DOK6: variants seen among roughly 807,000 people sequenced by gnomAD.
The protein encoded by DOK6 is docking protein 6.
In DOK6, 22 loss-of-function variants were observed where a neutral mutation model predicts 44.0. That is an observed-to-expected ratio of 0.50 (90% CI 0.36 to 0.71). The LOEUF is 0.71. Among genes scored for constraint, DOK6 ranks in the 30% least tolerant of loss-of-function variants. The probability of loss-of-function intolerance (pLI) is 0.00; values close to 1 mark genes in which losing one functional copy is unlikely to be tolerated. For missense variants in DOK6, 340 were observed against 416.4 expected (o/e 0.82, Z 1.60); for synonymous variants, 166 against 145.5 (o/e 1.14, Z -1.01).
At chr18:69,547,120 G>A (rs780596996) in intron 1 of DOK6, among the ~76,000 whole-genome samples, 2 of 151,586 alleles carry the variant, frequency 1.3e-5, no homozygotes, top group Non-Finnish European at 3.0e-5. Context: ...TTAGTTTTTT[G>A]AGACGGAGTC....
chr18:69,535,798 TA>T (rs201713032), intron 1 of DOK6, among the ~76,000 whole-genome samples: 4 of 151,666 alleles, frequency 2.6e-5, no homozygotes, highest in Non-Finnish European at 2.9e-5. Context: ...TTTCAGAAAA[TA>T]AAAAAATATC....
rs192782716 is a variant in DOK6 at position 69,600,905 on chromosome 18, A to G, written c.289+1407A>G. On this transcript the variant is annotated intron_variant, in intron 3 of 7. Transcript: ENST00000382713. The stretch of plus-strand genomic sequence containing the variant: ...GTTTAGTTAATAACTTAATCATTCA[A>G]TATATTGCTGCTTTCAATCTGACTA... Among the ~76,000 whole-genome samples, 12 of 152,326 alleles carry G rather than the reference A, an allele frequency of 7.9e-5. No homozygotes were observed. In the East Asian group the frequency reaches 2.3e-3, roughly 29 times the overall value.
intron 7 of DOK6, among the ~76,000 whole-genome samples, chr18:69,813,841 A>G (rs1243459957): frequency 6.6e-6 from 1 of 152,146 alleles, no homozygotes; most frequent in Non-Finnish European, 1.5e-5. Flanking sequence ...AAATCATGCA[A>G]ACTCCTCCAG....
chr18:69,639,431 G>C (rs1175205648), intron 3 of DOK6, among the ~76,000 whole-genome samples: 5 of 152,178 alleles, frequency 3.3e-5, no homozygotes, highest in African/African-American at 9.7e-5. Context: ...GGAAGGGAGG[G>C]CTCCTGAGGA....
At chr18:69,482,396 G>A (rs1202355514) in intron 1 of DOK6, among the ~76,000 whole-genome samples, 1 of 150,576 alleles carries the variant, frequency 6.6e-6, no homozygotes, top group African/African-American at 2.5e-5. Context: ...GAAAACTAGA[G>A]AGGGGTTCAT....
chr18:69,543,904 C>A (rs1276538259), intron 1 of DOK6, among the ~76,000 whole-genome samples: 1 of 151,184 alleles, frequency 6.6e-6, no homozygotes, highest in Non-Finnish European at 1.5e-5. Context: ...GAAATGGAAG[C>A]AAATATATTG....
At chr18:69,762,084 A>G in intron 7 of DOK6, among the ~76,000 whole-genome samples, 1 of 152,290 alleles carries the variant, frequency 6.6e-6, no homozygotes, top group African/African-American at 2.4e-5. Flanking sequence ...AACTTGGCAG[A>G]AGGATTGCTT....
At chr18:69,494,539 G>C in intron 1 of DOK6, among the ~76,000 whole-genome samples, 1 of 152,220 alleles carries the variant, frequency 6.6e-6, no homozygotes, top group Non-Finnish European at 1.5e-5. Context: ...AACAATTACT[G>C]TCTATAGTTA....
At chr18:69,501,132 G>A (rs114239144) in intron 1 of DOK6, among the ~76,000 whole-genome samples, 27 of 152,108 alleles carry the variant, frequency 1.8e-4, no homozygotes, top group African/African-American at 5.8e-4. Context: ...TACCTAAAAC[G>A]TCATATTTTC....
At chr18:69,531,315 G>A (rs1185941265) in intron 1 of DOK6, among the ~76,000 whole-genome samples, 4 of 148,134 alleles carry the variant, frequency 2.7e-5, no homozygotes, top group African/African-American at 7.4e-5. Flanking sequence ...AATGAAAGAA[G>A]GGGTATTTTC....
At chr18:69,711,125 A>T (rs1483597298) in intron 5 of DOK6, among the ~76,000 whole-genome samples, 1 of 152,244 alleles carries the variant, frequency 6.6e-6, no homozygotes, top group African/African-American at 2.4e-5. Flanking sequence ...CACCTGGAAC[A>T]CCGGCTTTAT....
intron 5 of DOK6, among the ~76,000 whole-genome samples, chr18:69,703,209 A>G (rs554465371): frequency 6.6e-6 from 1 of 152,340 alleles, no homozygotes; most frequent in East Asian, 1.9e-4. Flanking sequence ...TAAAACATTG[A>G]AAACATCCCT....
chr18:69,715,950 A>G (rs1207726366), intron 5 of DOK6, among the ~76,000 whole-genome samples: 1 of 152,212 alleles, frequency 6.6e-6, no homozygotes, highest in Admixed American at 6.5e-5. Context: ...AATTGGCAAA[A>G]CTGTTCATTC....
rs1190228611 is a variant in DOK6 at position 69,833,447 on chromosome 18, T to A, written c.857-7797T>A. 4.6e-5 allele frequency among the ~76,000 whole-genome samples: 7 copies of A among 151,958 alleles called. No homozygotes were observed. In the East Asian group the frequency reaches 1.3e-3, roughly 29 times the overall value. On this transcript the variant is annotated intron_variant, in intron 7 of 7. Transcript: ENST00000382713. ...AGATTTAAATGTAATACCTAAAACT[T>A]CAGACTATTAAAAGAAAATATTGGG... is the stretch of plus-strand genomic sequence containing the variant.
At chr18:69,754,163 T>G (rs929806879) in intron 6 of DOK6, among the ~76,000 whole-genome samples, 22 of 151,950 alleles carry the variant, frequency 1.4e-4, no homozygotes, top group Non-Finnish European at 2.6e-4. Flanking sequence ...AAGGATGAGT[T>G]TTAATTAAAT....
At position 69,847,724 on chromosome 18, in the gene DOK6, T is replaced by C. The variant is rs2145147033; in HGVS notation, c.*6341T>C. 6.6e-6 allele frequency: 1 copy of C among 151,568 alleles called. No individual in the cohort carries two copies. The highest frequency in any genetic ancestry group is 6.6e-5 in the Admixed American group (1 of 15,184). 9.4% of individuals were successfully genotyped at this position (151,568 alleles called of 1,614,324 possible). The stretch of plus-strand genomic sequence containing the variant: ...ATTTGAAATCAAATTCAGATTCACA[T>C]GTATAGTGCATAGTTCAAGAAATAA... On this transcript the variant is annotated 3_prime_UTR_variant, in exon 8 of 8. Coordinates refer to ENST00000382713, the MANE Select transcript of DOK6 (RefSeq NM_152721.6).
intron 1 of DOK6, among the ~76,000 whole-genome samples, chr18:69,464,572 A>C (rs1406345361): frequency 6.6e-6 from 1 of 152,258 alleles, no homozygotes; most frequent in Non-Finnish European, 1.5e-5. Context: ...TGTTCAGTGA[A>C]GACTTTTGCC....
chr18:69,780,582 A>G (rs1403903183), intron 7 of DOK6, among the ~76,000 whole-genome samples: 1 of 152,172 alleles, frequency 6.6e-6, no homozygotes, highest in Non-Finnish European at 1.5e-5. Flanking sequence ...ACAGACCAAG[A>G]CTCCGTCTCA....
chr18:69,637,207 T>C (rs1052129594), intron 3 of DOK6, among the ~76,000 whole-genome samples: 3 of 152,228 alleles, frequency 2.0e-5, no homozygotes, highest in African/African-American at 7.2e-5. Context: ...CTGATCGTTA[T>C]TATTTAAAGC....
Sources: gnomAD v4.1 joint callset for allele counts (sites outside exome capture counted in the v4.1 genomes callset) on GRCh38, gnomAD v4.1.1 for gene constraint, MANE v1.5 for transcripts, NCBI Gene and HGNC (gene_info 2026-07-23, HGNC 2026-07-21) for gene names.